L3MBTL3: variants seen among roughly 807,000 people sequenced by gnomAD.
The protein encoded by L3MBTL3 is L3MBTL histone methyl-lysine binding protein 3, also known as lethal(3)malignant brain tumor-like protein 3.
In L3MBTL3, 27 loss-of-function variants were observed where a neutral mutation model predicts 102.3. The observed-to-expected ratio is 0.26, with a 90% CI of 0.19 to 0.36. The LOEUF (loss-of-function observed/expected upper bound fraction) is 0.36, where lower values mean the gene tolerates loss of function less well. Ranked by LOEUF, L3MBTL3 falls within the 10% of genes least tolerant of loss-of-function variation. L3MBTL3 has a pLI of 1.00. For synonymous variants in L3MBTL3, 340 were observed against 320.9 expected (o/e 1.06, Z -0.64); for missense variants, 798 against 955.3 (o/e 0.84, Z 2.17).
chr6:130,019,290 C>G (rs1236448302), intron 1 of L3MBTL3: 1 of 137,804 alleles, frequency 7.3e-6, no homozygotes, highest in Non-Finnish European at 1.6e-5. Context: ...CGAGCGCGGC[C>G]GCCGAGGCGG....
intron 16 of L3MBTL3, among the ~76,000 whole-genome samples, chr6:130,087,000 A>G (rs1783730603): frequency 6.6e-6 from 1 of 152,216 alleles, no homozygotes; most frequent in Non-Finnish European, 1.5e-5. Flanking sequence ...TGGGAAGTAT[A>G]CATTGTTATC....
At chr6:130,059,151 A>G (rs1213918629) in intron 9 of L3MBTL3, among the ~76,000 whole-genome samples, 1 of 152,220 alleles carries the variant, frequency 6.6e-6, no homozygotes, top group South Asian at 2.1e-4. Flanking sequence ...TAAAAGTACT[A>G]CAATAGTATA....
rs1005795795 is a variant in L3MBTL3 at position 130,139,907 on chromosome 6, T to C, written c.*154T>C. The C allele has an allele frequency of 5.9e-6, 4 of 674,914 alleles. No homozygotes were observed. Among genetic ancestry groups the C allele is most frequent in the Non-Finnish European group, 9.8e-6 (4 of 406,374 alleles). The allele number at this position is 674,914 out of a possible 1,614,324, so 41.8% of individuals were successfully genotyped here. On this transcript the variant is annotated 3_prime_UTR_variant, in exon 23 of 23. Coordinates refer to ENST00000361794, the MANE Select transcript of L3MBTL3 (RefSeq NM_032438.4). ...TATATTACTCAAGAGACAATATATA[T>C]GAATTCTTATGAAAGTGCTTGAGCT...
intron 1 of L3MBTL3, among the ~76,000 whole-genome samples, chr6:130,020,894 A>G (rs1289982467): frequency 6.6e-6 from 1 of 151,106 alleles, no homozygotes; most frequent in African/African-American, 2.4e-5. Context: ...CGCCAGAAAA[A>G]TGCATTCGAG....
intron 2 of L3MBTL3, among the ~76,000 whole-genome samples, chr6:130,038,046 C>A (rs1780171283): frequency 6.6e-6 from 1 of 151,978 alleles, no homozygotes; most frequent in African/African-American, 2.4e-5. Context: ...CTGAGCCTAC[C>A]TTCTTTTACT....
chr6:130,020,143 G>C (rs1226144301), intron 1 of L3MBTL3, among the ~76,000 whole-genome samples: 1 of 151,166 alleles, frequency 6.6e-6, no homozygotes, highest in African/African-American at 2.4e-5. Context: ...GCCACCGCCC[G>C]CCTCGCGCCG....
At chr6:130,018,902 A>C (rs1269240324) in intron 1 of L3MBTL3, among the ~76,000 whole-genome samples, 1 of 152,118 alleles carries the variant, frequency 6.6e-6, no homozygotes, top group Non-Finnish European at 1.5e-5. Context: ...AAAGTGGGCA[A>C]GTGACTCGGA....
intron 20 of L3MBTL3, among the ~76,000 whole-genome samples, chr6:130,129,876 G>C (rs1302640641): frequency 6.6e-6 from 1 of 152,156 alleles, no homozygotes; most frequent in African/African-American, 2.4e-5. Flanking sequence ...TTTAGCCTAT[G>C]TCATAACATG....
chr6:130,062,009 A>C (rs1331915723), intron 10 of L3MBTL3, among the ~76,000 whole-genome samples: 1 of 152,154 alleles, frequency 6.6e-6, no homozygotes, highest in African/African-American at 2.4e-5. Flanking sequence ...GACAGAATTG[A>C]GTTTTACAAA....
chr6:130,056,277 A>T (rs190260450), intron 8 of L3MBTL3, among the ~76,000 whole-genome samples: 19 of 151,906 alleles, frequency 1.3e-4, no homozygotes, highest in African/African-American at 4.3e-4. Context: ...TATTTCCAGG[A>T]GGAAACCGGC....
intron 20 of L3MBTL3, among the ~76,000 whole-genome samples, chr6:130,130,215 A>G (rs954646940): frequency 6.6e-6 from 1 of 152,218 alleles, no homozygotes; most frequent in Non-Finnish European, 1.5e-5. Context: ...TTATTTTTCT[A>G]AGGAACAATG....
intron 11 of L3MBTL3, among the ~76,000 whole-genome samples, chr6:130,067,424 A>C (rs942664728): frequency 6.6e-6 from 1 of 152,144 alleles, no homozygotes; most frequent in African/African-American, 2.4e-5. Flanking sequence ...ATATTTAGTA[A>C]TATCTTATTC....
intron 8 of L3MBTL3, 124 bp downstream of exon 8, chr6:130,055,379 C>A: frequency 1.4e-6 from 1 of 689,856 alleles, no homozygotes; most frequent in Non-Finnish European, 2.4e-6. Flanking sequence ...TCAGTTTGGT[C>A]AATAAAGATT....
intron 2 of L3MBTL3, among the ~76,000 whole-genome samples, chr6:130,036,680 A>G (rs568687793): frequency 2.0e-4 from 30 of 152,266 alleles, no homozygotes; most frequent in Middle Eastern, 3.4e-3. Context: ...CTAAAAATCT[A>G]TTTGTGGCGT....
At chr6:130,127,470 A>T (rs922783692) in intron 20 of L3MBTL3, among the ~76,000 whole-genome samples, 1 of 152,204 alleles carries the variant, frequency 6.6e-6, no homozygotes, top group African/African-American at 2.4e-5. Context: ...GTCTGCAAGT[A>T]TATGCTGTAT....
intron 18 of L3MBTL3, among the ~76,000 whole-genome samples, chr6:130,096,195 A>C (rs1784355946): frequency 6.6e-6 from 1 of 152,084 alleles, no homozygotes; most frequent in South Asian, 2.1e-4. Context: ...GGGAGAAGGG[A>C]ACTCTGCTCT....
intron 2 of L3MBTL3, among the ~76,000 whole-genome samples, chr6:130,033,328 C>T (rs371975695): frequency 1.1e-4 from 16 of 152,208 alleles, no homozygotes; most frequent in East Asian, 5.8e-4. Flanking sequence ...GTATGTCATT[C>T]TGCACCAAGT....
chr6:130,058,074 T>C (rs998784702), intron 9 of L3MBTL3, among the ~76,000 whole-genome samples: 1 of 134,626 alleles, frequency 7.4e-6, no homozygotes, highest in East Asian at 2.1e-4. Flanking sequence ...ACCCAGGAAG[T>C]GGAGCTTGCA....
chr6:130,030,795 T>G (rs969530042), intron 2 of L3MBTL3, among the ~76,000 whole-genome samples: 1 of 151,598 alleles, frequency 6.6e-6, no homozygotes, highest in East Asian at 1.9e-4. Flanking sequence ...TCTTGGAAGG[T>G]AAAATCTGTT....
Sources: allele counts gnomAD v4.1 joint callset (sites outside exome capture counted in the v4.1 genomes callset), GRCh38; gene constraint gnomAD v4.1.1; transcripts MANE v1.5; gene names NCBI Gene and HGNC (gene_info 2026-07-23, HGNC 2026-07-21).